Variants in RAB8B observed in about 807,000 individuals in gnomAD.
RAB8B encodes the protein RAB8B, member RAS oncogene family.
In RAB8B, 11 loss-of-function variants were observed where a neutral mutation model predicts 32.0. That is an observed-to-expected ratio of 0.34 (90% CI 0.22 to 0.57). The LOEUF (loss-of-function observed/expected upper bound fraction) is 0.57, where lower values mean the gene tolerates loss of function less well. Among genes scored for constraint, RAB8B ranks in the 20% least tolerant of loss-of-function variants. The probability of loss-of-function intolerance (pLI) is 0.86; values close to 1 mark genes in which losing one functional copy is unlikely to be tolerated. For missense variants in RAB8B, 190 were observed against 258.5 expected (o/e 0.73, Z 1.82); for synonymous variants, 103 against 89.6 (o/e 1.15, Z -0.85).
chr15:63,225,628 C>A (rs1479829331), intron 1 of RAB8B, among the ~76,000 whole-genome samples: 1 of 150,116 alleles, frequency 6.7e-6, no homozygotes, highest in Non-Finnish European at 1.5e-5. Flanking sequence ...AGAATATTGT[C>A]TTTAGCAAAG....
chr15:63,194,652 T>C (rs1413274201), intron 1 of RAB8B, among the ~76,000 whole-genome samples: 1 of 152,216 alleles, frequency 6.6e-6, no homozygotes, highest in East Asian at 1.9e-4. Context: ...TTGTTGTAGC[T>C]TAGTCTCATC....
chr15:63,196,268 C>G (rs2037599127), intron 1 of RAB8B, among the ~76,000 whole-genome samples: 1 of 152,156 alleles, frequency 6.6e-6, no homozygotes, highest in Admixed American at 6.5e-5. Context: ...GCATGGCCAT[C>G]AAGGATGTAT....
intron 1 of RAB8B, among the ~76,000 whole-genome samples, chr15:63,231,911 C>A (rs2037939808): frequency 6.6e-6 from 1 of 152,200 alleles, no homozygotes; most frequent in Non-Finnish European, 1.5e-5. Flanking sequence ...GAGCTTATTG[C>A]TACTTCTAGA....
intron 1 of RAB8B, among the ~76,000 whole-genome samples, chr15:63,232,476 T>C (rs1239063835): frequency 4.6e-5 from 7 of 152,352 alleles, no homozygotes; most frequent in African/African-American, 1.4e-4. Flanking sequence ...TTAGATCTTA[T>C]GGGTACAGCT....
chr15:63,240,285 A>C (rs1266840143), intron 1 of RAB8B, among the ~76,000 whole-genome samples: 2 of 152,222 alleles, frequency 1.3e-5, no homozygotes, highest in African/African-American at 4.8e-5. Context: ...TATTACAAAT[A>C]ATCCATGCAT....
At chr15:63,247,765 C>T (rs2038083067) in intron 2 of RAB8B, among the ~76,000 whole-genome samples, 1 of 152,124 alleles carries the variant, frequency 6.6e-6, no homozygotes, top group Admixed American at 6.6e-5. Flanking sequence ...AGAAGAATAT[C>T]CCCCAGCTCT....
intron 1 of RAB8B, among the ~76,000 whole-genome samples, chr15:63,198,333 A>T (rs1432619032): frequency 1.3e-5 from 2 of 152,122 alleles, no homozygotes; most frequent in East Asian, 3.8e-4. Flanking sequence ...GCAACTTTGG[A>T]CATTTTCCTG....
chr15:63,219,494 A>G (rs970424277), intron 1 of RAB8B, among the ~76,000 whole-genome samples: 1 of 151,494 alleles, frequency 6.6e-6, no homozygotes, highest in Non-Finnish European at 1.5e-5. Flanking sequence ...AGACAAGAAC[A>G]TGACAACAGA....
chr15:63,244,824 A>AAC lies in RAB8B; in HGVS notation c.185+18_185+19dup. On this transcript the variant is annotated intron_variant, in intron 2 of 7. Transcript: ENST00000321437. Reference sequence around the variant, plus strand: ...AATTAAGCTTCAGATATGGTAAGTAAACACACACACAGAGTTTCTGCTTTA... The same window carrying AAC: ...AATTAAGCTTCAGATATGGTAAGTAAACACACACACACAGAGTTTCTGCTTTA... 1 of 1,566,030 alleles carries AAC rather than the reference A, an allele frequency of 6.4e-7. No individual in the cohort carries two copies. The highest frequency in any genetic ancestry group is 8.8e-7 in the Non-Finnish European group (1 of 1,141,492).
At chr15:63,254,568 C>T (rs2038144718) in intron 3 of RAB8B, among the ~76,000 whole-genome samples, 1 of 151,962 alleles carries the variant, frequency 6.6e-6, no homozygotes, top group Non-Finnish European at 1.5e-5. Context: ...ATAGATTTTG[C>T]AGTAGCATAC....
chr15:63,228,567 A>G (rs943391580), intron 1 of RAB8B, among the ~76,000 whole-genome samples: 26 of 152,212 alleles, frequency 1.7e-4, no homozygotes, highest in African/African-American at 6.3e-4. Flanking sequence ...TTTGTTTCCC[A>G]CATGCTGTCT....
intron 1 of RAB8B, among the ~76,000 whole-genome samples, chr15:63,206,295 G>A (rs965519393): frequency 1.3e-5 from 2 of 151,948 alleles, no homozygotes; most frequent in Admixed American, 6.6e-5. Flanking sequence ...TACAGTTCCT[G>A]GGGCAGAGAA....
At chr15:63,202,388 C>G (rs149037086) in intron 1 of RAB8B, among the ~76,000 whole-genome samples, 128 of 152,324 alleles carry the variant, frequency 8.4e-4, no homozygotes, top group Non-Finnish European at 1.7e-3. Flanking sequence ...TGAGTAATAG[C>G]TAATGCAAAC....
intron 1 of RAB8B, among the ~76,000 whole-genome samples, chr15:63,239,412 T>G (rs1312404735): frequency 7.8e-5 from 5 of 64,200 alleles, no homozygotes; most frequent in Non-Finnish European, 1.5e-4. Context: ...TTTCCGAAGT[T>G]TTTTTTTTTT....
At chr15:63,218,253 C>T (rs371297432) in intron 1 of RAB8B, among the ~76,000 whole-genome samples, 8 of 152,284 alleles carry the variant, frequency 5.3e-5, no homozygotes, top group East Asian at 1.9e-4. Context: ...TTTCCTCTTA[C>T]GTTAAATGGG....
chr15:63,240,466 T>G (rs1464360248), intron 1 of RAB8B, among the ~76,000 whole-genome samples: 1 of 152,210 alleles, frequency 6.6e-6, no homozygotes, highest in Non-Finnish European at 1.5e-5. Flanking sequence ...TCAAGCAGCC[T>G]GTTCACAAGT....
chr15:63,240,835 G>T (rs28565206), intron 1 of RAB8B, among the ~76,000 whole-genome samples: 3 of 147,118 alleles, frequency 2.0e-5, no homozygotes, highest in Non-Finnish European at 4.4e-5. Context: ...GCCTCTGTCA[G>T]TAGAAGGTTT....
intron 1 of RAB8B, among the ~76,000 whole-genome samples, chr15:63,214,679 T>C (rs566209984): frequency 6.6e-6 from 1 of 152,280 alleles, no homozygotes; most frequent in East Asian, 1.9e-4. Context: ...TGACAGTGGA[T>C]TTGACCAGAG....
intron 1 of RAB8B, among the ~76,000 whole-genome samples, chr15:63,216,696 C>A (rs1193728207): frequency 6.6e-6 from 1 of 151,750 alleles, no homozygotes; most frequent in East Asian, 1.9e-4. Flanking sequence ...CCTGTCTCTA[C>A]TAAAAATACA....
Sources: allele counts gnomAD v4.1 joint callset (sites outside exome capture counted in the v4.1 genomes callset), GRCh38; gene constraint gnomAD v4.1.1; transcripts MANE v1.5; gene names NCBI Gene and HGNC (gene_info 2026-07-23, HGNC 2026-07-21).